Variants in FOXP2 observed in about 807,000 individuals in gnomAD.
FOXP2 encodes the protein forkhead box P2, also known as forkhead box protein P2.
In FOXP2, 12 loss-of-function variants were observed where a neutral mutation model predicts 115.8. The observed-to-expected ratio is 0.10, with a 90% CI of 0.07 to 0.17. FOXP2 has a LOEUF of 0.17. Among genes scored for constraint, FOXP2 ranks in the 10% least tolerant of loss-of-function variants. FOXP2 has a pLI of 1.00. For missense variants in FOXP2, 629 were observed against 843.5 expected (o/e 0.75, Z 3.15); for synonymous variants, 328 against 297.7 (o/e 1.10, Z -1.05).
chr7:114,227,309 A>G (rs984559708), intron 1 of FOXP2, among the ~76,000 whole-genome samples: 3 of 152,046 alleles, frequency 2.0e-5, no homozygotes, highest in Admixed American at 6.6e-5. Context: ...GAGATTTTAT[A>G]TATCAAATCA....
chr7:114,326,457 C>A (rs1009171401), intron 2 of FOXP2, among the ~76,000 whole-genome samples: 1 of 152,090 alleles, frequency 6.6e-6, no homozygotes, highest in Non-Finnish European at 1.5e-5. Flanking sequence ...TTTCAGAATT[C>A]ATTCCAAAGT....
intron 2 of FOXP2, among the ~76,000 whole-genome samples, chr7:114,351,330 A>G (rs1484480526): frequency 3.9e-5 from 6 of 152,168 alleles, no homozygotes; most frequent in African/African-American, 1.4e-4. Flanking sequence ...TGTTATACCA[A>G]CTGAAGACTT....
Position 114,254,379 on chromosome 7 carries a change from G to T in FOXP2, c.-101-33640G>T, listed in dbSNP as rs151126234. Among the ~76,000 whole-genome samples the T allele has an allele frequency of 4.9e-3, 753 of 152,284 alleles. 10 individuals are homozygous for T. Among genetic ancestry groups the T allele is most frequent in the African/African-American group, 0.017 (707 of 41,558 alleles). ...GGGAAGTTCTCCTGGATAATATCCT[G>T]CAGAGTGTTTTCCAACTTGGTTCCA... On this transcript the variant is annotated intron_variant, in intron 1 of 17. Transcript: ENST00000634411.
At position 114,642,524 on chromosome 7, in the gene FOXP2, C is replaced by G. The variant is rs150907165; in HGVS notation, c.890C>G (p.Ser297Cys). The change falls in exon 7 of 17, where the codon TCC (serine) becomes TGC (cysteine). Residue 297 changes from serine (S) to cysteine (C), a missense_variant. Physicochemically the swap from Ser to Cys is moderately radical, Grantham distance 112. Around this residue, in one of 9 missense-constraint regions of FOXP2, gnomAD observed 92 missense variants for 80.1 expected, o/e 1.15. Coordinates refer to ENST00000350908, the MANE Select transcript of FOXP2 (RefSeq NM_014491.4). The stretch of plus-strand genomic sequence containing the variant: ...CTAGACCTCACTACTAACAATTCCT[C>G]CTCGACTACCTCCTCCAACACTTCC... ...GGLDLTTNNS[S>C]STTSSNTSKA... 1.9e-6 allele frequency: 3 copies of G among 1,613,726 alleles called. No homozygotes were observed. The African/African-American group carries it at 4.0e-5, about 22-fold the overall frequency.
intron 1 of FOXP2, among the ~76,000 whole-genome samples, chr7:114,261,028 A>G (rs1290269234): frequency 2.0e-5 from 3 of 152,202 alleles, no homozygotes; most frequent in Non-Finnish European, 4.4e-5. Flanking sequence ...CTTAAATAGT[A>G]GTAGATGGTG....
intron 1 of FOXP2, among the ~76,000 whole-genome samples, chr7:114,216,840 G>A (rs1323450119): frequency 6.6e-6 from 1 of 152,062 alleles, no homozygotes; most frequent in Non-Finnish European, 1.5e-5. Flanking sequence ...TGAAGCAAAT[G>A]GATTACTAAT....
At chr7:114,119,800 T>G (rs1025861835) in intron 1 of FOXP2, among the ~76,000 whole-genome samples, 1 of 152,152 alleles carries the variant, frequency 6.6e-6, no homozygotes, top group Non-Finnish European at 1.5e-5. Context: ...CCCAATCATC[T>G]TTATCGGAGC....
chr7:114,096,506 T>C (rs1287322667), intron 1 of FOXP2, among the ~76,000 whole-genome samples: 2 of 152,182 alleles, frequency 1.3e-5, no homozygotes, highest in Non-Finnish European at 2.9e-5. Flanking sequence ...GTTCAAAATA[T>C]TCTACACACA....
At chr7:114,134,588 C>T (rs1384509293) in intron 1 of FOXP2, among the ~76,000 whole-genome samples, 1 of 150,624 alleles carries the variant, frequency 6.6e-6, no homozygotes, top group Non-Finnish European at 1.5e-5. Flanking sequence ...TGGCGGGCGC[C>T]TGTAGTCCCA....
intron 2 of FOXP2, among the ~76,000 whole-genome samples, chr7:114,338,860 C>A (rs1186856124): frequency 6.6e-6 from 1 of 150,610 alleles, no homozygotes; most frequent in Non-Finnish European, 1.5e-5. Flanking sequence ...GCCATAATCA[C>A]CAGGTGTTAT....
chr7:114,234,496 A>G (rs1176504469), intron 1 of FOXP2, among the ~76,000 whole-genome samples: 1 of 152,268 alleles, frequency 6.6e-6, no homozygotes, highest in Non-Finnish European at 1.5e-5. Context: ...CGTTAGCAAT[A>G]TAGCTTCTGT....
At chr7:114,669,461 C>CTT (rs1398393092) in intron 16 of FOXP2, 1 of 152,004 alleles carries the variant, frequency 6.6e-6, no homozygotes, top group Non-Finnish European at 1.5e-5. Context: ...GAAAACGATA[C>CTT]TTTAAGTGTC....
At chr7:114,638,873 CTG>C (rs1360625546) in intron 6 of FOXP2, among the ~76,000 whole-genome samples, 3 of 152,156 alleles carry the variant, frequency 2.0e-5, no homozygotes, top group Non-Finnish European at 4.4e-5. Context: ...TAATTTAACA[CTG>C]TGTCTTCCTG....
At chr7:114,649,982 C>A (rs1363030216) in intron 8 of FOXP2, among the ~76,000 whole-genome samples, 1 of 152,042 alleles carries the variant, frequency 6.6e-6, no homozygotes, top group South Asian at 2.1e-4. Context: ...ACTTTAAAAA[C>A]CTTTCGCCTT....
intron 2 of FOXP2, among the ~76,000 whole-genome samples, chr7:114,435,484 G>A (rs1049979883): frequency 1.3e-5 from 2 of 152,214 alleles, no homozygotes; most frequent in Admixed American, 1.3e-4. Context: ...GTTGGAATAG[G>A]TAGGCTAGAT....
chr7:114,255,178 C>T (rs534530650), intron 1 of FOXP2, among the ~76,000 whole-genome samples: 11 of 134,006 alleles, frequency 8.2e-5, no homozygotes, highest in Non-Finnish European at 1.7e-4. Context: ...GGTACCTGGC[C>T]GTGTGAGATG....
intron 5 of FOXP2, among the ~76,000 whole-genome samples, chr7:114,630,362 A>G (rs1002313645): frequency 6.6e-6 from 1 of 152,054 alleles, no homozygotes; most frequent in African/African-American, 2.4e-5. Context: ...ATGCATGCAA[A>G]TTTGGCCTAT....
intron 1 of FOXP2, among the ~76,000 whole-genome samples, chr7:114,150,203 T>C (rs973718008): frequency 6.6e-6 from 1 of 152,054 alleles, no homozygotes; most frequent in Non-Finnish European, 1.5e-5. Context: ...AGGGTCCGGA[T>C]GAAGAGATAG....
chr7:114,663,849 T>C (rs550335423), intron 15 of FOXP2, among the ~76,000 whole-genome samples: 4 of 152,286 alleles, frequency 2.6e-5, no homozygotes, highest in African/African-American at 9.6e-5. Context: ...TTGGGGAACA[T>C]GGTGCTTGTG....
Sources: gnomAD v4.1 joint callset for allele counts (sites outside exome capture counted in the v4.1 genomes callset) on GRCh38, gnomAD v4.1.1 for gene constraint, gnomAD v4.1.1 regional missense constraint, MANE v1.5 for transcripts, NCBI Gene and HGNC (gene_info 2026-07-23, HGNC 2026-07-21) for gene names.